MYO5A: variants seen among roughly 807,000 people sequenced by gnomAD.
MYO5A encodes the protein myosin VA.
In MYO5A, 98 loss-of-function variants were observed where a neutral mutation model predicts 249.7. The observed-to-expected ratio is 0.39, with a 90% CI of 0.33 to 0.46. The LOEUF is 0.46. Ranked by LOEUF, MYO5A falls within the 20% of genes least tolerant of loss-of-function variation. The pLI, the probability that MYO5A is intolerant of heterozygous loss-of-function variation, is 0.98. For synonymous variants in MYO5A, 778 were observed against 810.6 expected (o/e 0.96, Z 0.68); for missense variants, 1,696 against 2,308.8 (o/e 0.73, Z 5.44).
chr15:52,371,744 C>A (rs977719274), intron 21 of MYO5A, among the ~76,000 whole-genome samples: 3 of 151,978 alleles, frequency 2.0e-5, no homozygotes, highest in Non-Finnish European at 4.4e-5. Context: ...GTAGTACGTG[C>A]CTGTAGTCCC....
chr15:52,411,962 T>C (rs1333487983), intron 5 of MYO5A, among the ~76,000 whole-genome samples: 1 of 152,242 alleles, frequency 6.6e-6, no homozygotes, highest in African/African-American at 2.4e-5. Flanking sequence ...AATTTATCTA[T>C]TCATTTACTC....
At chr15:52,491,500 C>A (rs1410216124) in intron 1 of MYO5A, among the ~76,000 whole-genome samples, 1 of 152,148 alleles carries the variant, frequency 6.6e-6, no homozygotes, top group Non-Finnish European at 1.5e-5. Flanking sequence ...ATAATTAAAG[C>A]CAGCTTTTGC....
At chr15:52,395,630 C>G (rs1214747007) in intron 11 of MYO5A, among the ~76,000 whole-genome samples, 1 of 152,144 alleles carries the variant, frequency 6.6e-6, no homozygotes, top group Non-Finnish European at 1.5e-5. Context: ...TTATTATCTC[C>G]ATTTTACAGA....
intron 1 of MYO5A, among the ~76,000 whole-genome samples, chr15:52,447,647 A>G (rs1195331115): frequency 6.6e-6 from 1 of 152,176 alleles, no homozygotes; most frequent in Non-Finnish European, 1.5e-5. Flanking sequence ...GACCTATTGA[A>G]TGGTTATGAC....
At chr15:52,321,204 GT>G (rs2038294241) in intron 38 of MYO5A, among the ~76,000 whole-genome samples, 154 bp downstream of exon 38, 1 of 152,188 alleles carries the variant, frequency 6.6e-6, no homozygotes, top group Admixed American at 6.5e-5. Flanking sequence ...CTATGGCTGG[GT>G]TTCTGGGATT....
chr15:52,478,113 G>A (rs554289164), intron 1 of MYO5A, among the ~76,000 whole-genome samples: 11 of 152,278 alleles, frequency 7.2e-5, no homozygotes, highest in East Asian at 1.9e-4. Flanking sequence ...CCGCAATGGC[G>A]GGCACCCCTC....
Position 52,465,916 on chromosome 15 carries a change from G to A in MYO5A, c.28-32631C>T, listed in dbSNP as rs761501486. ...AGAAACTCCAAAATCTGAGAAGAAG[G>A]AAGGTAGGTAGCCCGTATGGCCAGG... On this transcript the variant is annotated intron_variant, in intron 1 of 41. Coordinates refer to ENST00000399233, the MANE Select transcript of MYO5A (RefSeq NM_001382347.1). 8.5e-5 allele frequency among the ~76,000 whole-genome samples: 13 copies of A among 152,156 alleles called. No homozygotes were observed. The Middle Eastern group carries it at 0.014, about 159-fold the overall frequency.
upstream of MYO5A, chr15:52,528,943 G>A: frequency 4.6e-6 from 2 of 430,676 alleles, no homozygotes; most frequent in Non-Finnish European, 6.3e-6. Flanking sequence ...GGAGGGCCGC[G>A]CGGGGCGGGG....
chr15:52,508,368 T>C (rs893191015), intron 1 of MYO5A, among the ~76,000 whole-genome samples: 2 of 148,502 alleles, frequency 1.3e-5, no homozygotes, highest in African/African-American at 5.0e-5. Context: ...ACAAACATTG[T>C]TAGGGTTTTA....
rs773096878 is a variant in MYO5A at position 52,351,392 on chromosome 15, C to CACCTCTGGGGCACTT, written c.3696_3710dup (p.Ser1233_Val1237dup). On this transcript the variant is annotated inframe_insertion, in exon 28 of 42. Coordinates refer to ENST00000399233, the MANE Select transcript of MYO5A (RefSeq NM_001382347.1). ...GGTAGGCAGGTGCACCTGGGGCGGT[C>CACCTCTGGGGCACTT]ACCTCTGGGGCACTTTTCTCACTGA... is the stretch of plus-strand genomic sequence containing the variant. The CACCTCTGGGGCACTT allele has an allele frequency of 3.3e-5, 53 of 1,614,080 alleles. 1 individual carries two copies. The highest frequency in any genetic ancestry group is 8.5e-7 in the Non-Finnish European group (1 of 1,180,034).
chr15:52,483,608 C>T (rs1433874852), intron 1 of MYO5A, among the ~76,000 whole-genome samples: 1 of 152,150 alleles, frequency 6.6e-6, no homozygotes, highest in African/African-American at 2.4e-5. Context: ...ACTCAGTTTT[C>T]CTTCCCCATC....
chr15:52,353,905 C>T lies in MYO5A; in HGVS notation c.3533G>A (p.Arg1178His), dbSNP rs755246020. 4.4e-5 allele frequency: 71 copies of T among 1,614,022 alleles called. 1 individual carries two copies. In the Admixed American group the frequency reaches 1.1e-3, roughly 24 times the overall value. The change falls in exon 26 of 42, where the codon CGC (arginine) becomes CAC (histidine). Residue 1178 changes from arginine (R) to histidine (H), a missense_variant. By Grantham distance (29) the Arg-to-His change is conservative. Around this residue, in one of 5 missense-constraint regions of MYO5A, gnomAD observed 625 missense variants for 908.1 expected, o/e 0.69. Coordinates refer to ENST00000399233, the MANE Select transcript of MYO5A (RefSeq NM_001382347.1). ...GCTGCGGAGCACCTGCTCCTCCTTGCGGTCCAGCTCATCCTGCATCACCTG... is the reference window on the plus strand; with the variant it reads ...GCTGCGGAGCACCTGCTCCTCCTTGTGGTCCAGCTCATCCTGCATCACCTG... ...EKQVMQDELD[R>H]KEEQVLRSKA...
intron 1 of MYO5A, among the ~76,000 whole-genome samples, chr15:52,491,664 TC>T (rs2062558601): frequency 5.3e-5 from 8 of 152,208 alleles, no homozygotes; most frequent in Admixed American, 5.2e-4. Flanking sequence ...TACTGTTTAA[TC>T]CCCTTTTATC....
At chr15:52,382,639 T>C (rs1476305213) in intron 16 of MYO5A, among the ~76,000 whole-genome samples, 2 of 152,014 alleles carry the variant, frequency 1.3e-5, no homozygotes, top group Admixed American at 6.6e-5. Flanking sequence ...TCCAGAAAAA[T>C]TGATTCTCCC....
At chr15:52,409,715 C>G (rs1198948328) in intron 6 of MYO5A, among the ~76,000 whole-genome samples, 1 of 152,118 alleles carries the variant, frequency 6.6e-6, no homozygotes, top group African/African-American at 2.4e-5. Context: ...GTGATAAACC[C>G]ATACCTATAA....
In MYO5A at chr15:52,451,220, A is replaced by G. The variant is rs146111113; in HGVS notation, c.28-17935T>C. 2.1e-3 allele frequency among the ~76,000 whole-genome samples: 315 copies of G among 152,178 alleles called. 3 individuals carry two copies. The highest frequency in any genetic ancestry group is 7.0e-3 in the African/African-American group (291 of 41,502). On this transcript the variant is annotated intron_variant, in intron 1 of 41. Transcript: ENST00000399233. ...CGCAGATAGTTGCTCCTGGGAAAAA[A>G]ACTGATACTCAGGACTTCCCTCTCC...
intron 1 of MYO5A, among the ~76,000 whole-genome samples, chr15:52,464,872 T>C (rs904498555): frequency 6.6e-5 from 10 of 152,342 alleles, no homozygotes; most frequent in African/African-American, 2.2e-4. Context: ...TGATTAGTCG[T>C]TTTCCTAGTT....
At chr15:52,505,884 A>G in intron 1 of MYO5A, 2 of 1,554,280 alleles carry the variant, frequency 1.3e-6, no homozygotes, top group South Asian at 2.4e-5. Flanking sequence ...GGATCATGGC[A>G]TTTAAATAAA....
intron 1 of MYO5A, among the ~76,000 whole-genome samples, chr15:52,473,553 T>C (rs1176828316): frequency 6.6e-6 from 1 of 152,220 alleles, no homozygotes. Context: ...CTTTAATCCA[T>C]CGTGAATTAA....
Sources: gnomAD v4.1 joint callset for allele counts (sites outside exome capture counted in the v4.1 genomes callset) on GRCh38, gnomAD v4.1.1 for gene constraint, gnomAD v4.1.1 regional missense constraint, MANE v1.5 for transcripts, NCBI Gene and HGNC (gene_info 2026-07-23, HGNC 2026-07-21) for gene names.